KLK11: variants seen among roughly 807,000 people sequenced by gnomAD.
KLK11 encodes kallikrein related peptidase 11, also known as kallikrein-11.
A neutral mutation model predicts 23.4 loss-of-function variants in KLK11; 10 were observed. The ratio of observed to expected loss-of-function variants is 0.43; its 90% CI spans 0.26 to 0.73. The LOEUF (loss-of-function observed/expected upper bound fraction) is 0.73, where lower values mean the gene tolerates loss of function less well. Ranked by LOEUF, KLK11 falls within the 30% of genes least tolerant of loss-of-function variation. KLK11 has a pLI of 0.22. For missense variants in KLK11, 285 were observed against 327.8 expected (o/e 0.87, Z 1.01); for synonymous variants, 131 against 131.7 (o/e 0.99, Z 0.03).
chr19:51,024,495 C>G lies in KLK11; in HGVS notation c.197+143G>C. The G allele has an allele frequency of 8.4e-7, 1 of 1,189,312 alleles. No individual in the cohort carries two copies. The highest frequency in any genetic ancestry group is 2.6e-5 in the East Asian group (1 of 38,460). 73.7% of individuals were successfully genotyped at this position (1,189,312 alleles called of 1,614,324 possible). A position where few individuals can be genotyped will look rare whatever the true frequency, so the allele number is the denominator to read the frequency against. On this transcript the variant is annotated intron_variant, in intron 3 of 5. Transcript: ENST00000453757. This position sits in a 1 kb window ranked among gnomAD's most constrained non-coding sequence, Gnocchi z 6.2. The stretch of plus-strand genomic sequence containing the variant: ...CCCATTCATCCCCCCACCTTCAATA[C>G]CAACTCGAGCCCATCAACCTTGCTG...
At position 51,022,647 on chromosome 19, in the gene KLK11, G is replaced by T; in HGVS notation, c.651C>A (p.Ile217=). ...TCGCACACGGATCCTGGCCCCAGGA[G>T]ATAATGCCTTGAAGAGACTGGTTAC... The part of the protein sequence containing the change: ...LVCNQSLQGI[I]SWGQDPCAIT... The change falls in exon 6 of 6, where the codon ATC becomes ATA. Residue 217 remains isoleucine, a synonymous_variant. Transcript: ENST00000453757. 6.2e-7 allele frequency: 1 copy of T among 1,613,682 alleles called. No individual in the cohort carries two copies. Among genetic ancestry groups the T allele is most frequent in the Non-Finnish European group, 8.5e-7 (1 of 1,180,040 alleles).
At position 51,025,801 on chromosome 19, in the gene KLK11, CT is replaced by C. The variant is rs1270452671; in HGVS notation, c.-35-136del. 3.9e-6 allele frequency: 2 copies of C among 512,834 alleles called. No individual in the cohort carries two copies. Among genetic ancestry groups the C allele is most frequent in the East Asian group, 6.8e-5 (2 of 29,566 alleles). 31.8% of individuals were successfully genotyped at this position (512,834 alleles called of 1,614,324 possible). A position where few individuals can be genotyped will look rare whatever the true frequency, so the allele number is the denominator to read the frequency against. On this transcript the variant is annotated intron_variant, in intron 1 of 5. Coordinates refer to ENST00000453757, the MANE Select transcript of KLK11 (RefSeq NM_001136032.3). The surrounding 1 kb of genome is among the most constrained non-coding windows in gnomAD (Gnocchi z 6.2). ...GGAGAAACAAGGTTGGGGAAATCCC[CT>C]GTTTCTCACAGCACTCAGATCTCCA... is the stretch of plus-strand genomic sequence containing the variant.
At chr19:51,023,335 G>T in intron 4 of KLK11, 107 bp from the exon 5 acceptor site, 1 of 1,361,454 alleles carries the variant, frequency 7.3e-7, no homozygotes, top group Non-Finnish European at 1.0e-6. Flanking sequence ...CTTAGACGCA[G>T]CCAACTCACC....
In KLK11 at chr19:51,022,548, A is replaced by G; in HGVS notation, c.750T>C (p.Asn250=). Residue 250 remains asparagine, a synonymous_variant, in exon 6 of 6, where the codon AAT becomes AAC. Coordinates refer to ENST00000453757, the MANE Select transcript of KLK11 (RefSeq NM_001136032.3). ...VDWIQETMKN[N] The stretch of plus-strand genomic sequence containing the variant: ...GGCTGTGGTGGGTGGGTCCAGTCTA[A>G]TTGTTCTTCATCGTCTCCTGGATCC... The G allele has an allele frequency of 1.2e-6, 2 of 1,614,018 alleles. No individual in the cohort carries two copies. Among genetic ancestry groups the G allele is most frequent in the Non-Finnish European group, 1.7e-6 (2 of 1,180,008 alleles).
intron 4 of KLK11, 149 bp from the exon 5 acceptor site, chr19:51,023,377 T>C (rs2091431306): frequency 1.3e-6 from 1 of 796,728 alleles, no homozygotes; most frequent in Admixed American, 3.2e-5. Context: ...ACAGCAATGC[T>C]ATCCAGCTTT....
chr19:51,024,306 A>G lies in KLK11; in HGVS notation c.202T>C (p.Tyr68His). 1 of 1,613,526 alleles carries G rather than the reference A, an allele frequency of 6.2e-7. No individual in the cohort carries two copies. Among genetic ancestry groups the G allele is most frequent in the Non-Finnish European group, 8.5e-7 (1 of 1,179,796 alleles). The change falls in exon 4 of 6, where the codon TAC becomes CAC. Residue 68 changes from tyrosine to histidine, a missense_variant. Physicochemically the swap from Tyr to His is moderately conservative, Grantham distance 83. Transcript: ENST00000453757. This position sits in a 1 kb window ranked among gnomAD's most constrained non-coding sequence, Gnocchi z 6.2. ...TTGTGCTGCCCCAGGTGAACTATGT[A>G]GCGGCTGAGGTGGGAGAGACAGTAG... Reference protein sequence around the residue: ...LTAAHCLKPRYIVHLGQHNLQ... With the variant: ...LTAAHCLKPRHIVHLGQHNLQ...
intron 1 of KLK11, among the ~76,000 whole-genome samples, chr19:51,026,146 G>C (rs1316026097): frequency 1.3e-5 from 2 of 152,122 alleles, no homozygotes; most frequent in East Asian, 1.9e-4. Flanking sequence ...AGGTCTGCTG[G>C]AGGGGAGTAG....
chr19:51,025,686 T>G lies in KLK11; in HGVS notation c.-35-20A>C, dbSNP rs1235924603. 14 of 1,347,338 alleles carry G rather than the reference T, an allele frequency of 1.0e-5. No homozygotes were observed. The highest frequency in any genetic ancestry group is 9.3e-5 in the Admixed American group (4 of 42,818). 83.5% of individuals were successfully genotyped at this position (1,347,338 alleles called of 1,614,324 possible). On this transcript the variant is annotated intron_variant, in intron 1 of 5. Transcript: ENST00000453757. The surrounding 1 kb of genome is among the most constrained non-coding windows in gnomAD (Gnocchi z 6.2). ...GTTCCTCTGGGAACAAGGAGGGACA[T>G]GGGGCCGCATCACTTTACGGGGAAA...
Position 51,024,304 on chromosome 19 carries a change from G to A in KLK11, c.204C>T (p.Tyr68=), listed in dbSNP as rs61752566. ...GGTTGTGCTGCCCCAGGTGAACTAT[G>A]TAGCGGCTGAGGTGGGAGAGACAGT... ...LTAAHCLKPR[Y]IVHLGQHNLQ... The change falls in exon 4 of 6, where the codon TAC becomes TAT. Residue 68 remains tyrosine (Y), a synonymous_variant. Transcript: ENST00000453757. The surrounding 1 kb of genome is among the most constrained non-coding windows in gnomAD (Gnocchi z 6.2). 1 of 1,613,636 alleles carries A rather than the reference G, an allele frequency of 6.2e-7. No homozygotes were observed. The highest frequency in any genetic ancestry group is 1.7e-5 in the Admixed American group (1 of 60,018).
Position 51,024,848 on chromosome 19 carries a change from G to A in KLK11, c.41-54C>T. 6.8e-7 allele frequency: 1 copy of A among 1,469,848 alleles called. No individual in the cohort carries two copies. The highest frequency in any genetic ancestry group is 1.5e-5 in the African/African-American group (1 of 68,602). The allele number at this position is 1,469,848 out of a possible 1,614,324, so 91.1% of individuals were successfully genotyped here. On this transcript the variant is annotated intron_variant, in intron 2 of 5. Transcript: ENST00000453757. The surrounding 1 kb of genome is among the most constrained non-coding windows in gnomAD (Gnocchi z 6.2). ...CTCAGGAAGGAGAGGTGGTAGACCA[G>A]GAGGACTCCCAGAAATGGGGGTGGG...
At position 51,024,440 on chromosome 19, in the gene KLK11, CCCCCTTCCCAGCCATAG is replaced by C; in HGVS notation, c.198-147_198-131del. 6.9e-7 allele frequency: 1 copy of C among 1,440,724 alleles called. No individual in the cohort carries two copies. The highest frequency in any genetic ancestry group is 9.3e-7 in the Non-Finnish European group (1 of 1,075,318). 89.2% of individuals were successfully genotyped at this position (1,440,724 alleles called of 1,614,324 possible). A position where few individuals can be genotyped will look rare whatever the true frequency, so the allele number is the denominator to read the frequency against. The stretch of plus-strand genomic sequence containing the variant: ...ACCTCTTCCACGTCTCCCACCGAAG[CCCCCTTCCCAGCCATAG>C]CCCCATCCCAACCCCATTCATCCCC... On this transcript the variant is annotated intron_variant, in intron 3 of 5. Coordinates refer to ENST00000453757, the MANE Select transcript of KLK11 (RefSeq NM_001136032.3). The surrounding 1 kb of genome is among the most constrained non-coding windows in gnomAD (Gnocchi z 6.2).
chr19:51,026,516 T>C, intron 1 of KLK11, 22 bp downstream of exon 1: 1 of 974,626 alleles, frequency 1.0e-6, no homozygotes. Context: ...GAGGGGCAGC[T>C]TCCCTTTCCT....
chr19:51,024,849 G>T lies in KLK11; in HGVS notation c.41-55C>A. On this transcript the variant is annotated intron_variant, in intron 2 of 5. Transcript: ENST00000453757. This position sits in a 1 kb window ranked among gnomAD's most constrained non-coding sequence, Gnocchi z 6.2. Reference sequence around the variant, plus strand: ...TCAGGAAGGAGAGGTGGTAGACCAGGAGGACTCCCAGAAATGGGGGTGGGG... The same window carrying T: ...TCAGGAAGGAGAGGTGGTAGACCAGTAGGACTCCCAGAAATGGGGGTGGGG... 1 of 1,467,170 alleles carries T rather than the reference G, an allele frequency of 6.8e-7. No homozygotes were observed. Among genetic ancestry groups the T allele is most frequent in the Non-Finnish European group, 9.0e-7 (1 of 1,106,290 alleles). The allele number at this position is 1,467,170 out of a possible 1,614,324, so 90.9% of individuals were successfully genotyped here.
chr19:51,025,539 G>A lies in KLK11; in HGVS notation c.40+53C>T. The A allele has an allele frequency of 8.0e-7, 1 of 1,248,504 alleles. No individual in the cohort carries two copies. The highest frequency in any genetic ancestry group is 1.1e-6 in the Non-Finnish European group (1 of 895,190). The allele number at this position is 1,248,504 out of a possible 1,614,324, so 77.3% of individuals were successfully genotyped here. ...ACTGTCCAGACACAGAGGGTTAGGG[G>A]ATCCCAGAGATTCAAGAGGGAGGAT... On this transcript the variant is annotated intron_variant, in intron 2 of 5. Coordinates refer to ENST00000453757, the MANE Select transcript of KLK11 (RefSeq NM_001136032.3). This position sits in a 1 kb window ranked among gnomAD's most constrained non-coding sequence, Gnocchi z 6.2.
chr19:51,027,201 C>T (rs1322453643), upstream of KLK11: 5 of 496,514 alleles, frequency 1.0e-5, no homozygotes, highest in African/African-American at 2.0e-5. Flanking sequence ...TCCCCTAGGC[C>T]GCTCCCTTCT....
At chr19:51,022,814 A>G in intron 5 of KLK11, 117 bp from the exon 6 acceptor site, 1 of 1,175,956 alleles carries the variant, frequency 8.5e-7, no homozygotes. Context: ...AGGCACTGGG[A>G]AAGGTGATAG....
rs2091452115 is a variant in KLK11 at position 51,024,566 on chromosome 19, C to T, written c.197+72G>A. The T allele has an allele frequency of 2.1e-6, 3 of 1,416,306 alleles. No homozygotes were observed. Among genetic ancestry groups the T allele is most frequent in the Non-Finnish European group, 2.8e-6 (3 of 1,072,446 alleles). The allele number at this position is 1,416,306 out of a possible 1,614,324, so 87.7% of individuals were successfully genotyped here. A position where few individuals can be genotyped will look rare whatever the true frequency, so the allele number is the denominator to read the frequency against. ...TAATCCCCTTACCAGCACCCCTATC[C>T]CTGAGCTTCTCTCCATCCATCTCCC... On this transcript the variant is annotated intron_variant, in intron 3 of 5. Coordinates refer to ENST00000453757, the MANE Select transcript of KLK11 (RefSeq NM_001136032.3). This position sits in a 1 kb window ranked among gnomAD's most constrained non-coding sequence, Gnocchi z 6.2.
chr19:51,023,324 C>T, intron 4 of KLK11, 96 bp from the exon 5 acceptor site: 1 of 1,474,424 alleles, frequency 6.8e-7, no homozygotes, highest in Non-Finnish European at 9.2e-7. Flanking sequence ...GAATCCCTGT[C>T]CTTAGACGCA....
chr19:51,027,877 A>G, upstream of KLK11: 1 of 214,880 alleles, frequency 4.7e-6, no homozygotes, highest in Non-Finnish European at 9.3e-6. Context: ...CGCTGGTATG[A>G]TCACCCCTCA....
Sources: gnomAD v4.1 joint callset for allele counts (sites outside exome capture counted in the v4.1 genomes callset) on GRCh38, gnomAD v4.1.1 for gene constraint, Gnocchi (gnomAD v3.1) non-coding constraint, MANE v1.5 for transcripts, NCBI Gene and HGNC (gene_info 2026-07-23, HGNC 2026-07-21) for gene names.